The following SYTL2 variants were observed in gnomAD, a reference collection of about 807,000 sequenced individuals.
SYTL2 encodes synaptotagmin like 2.
SYTL2 carries 165 observed loss-of-function variants against 198.7 expected under a neutral mutation model. The ratio of observed to expected loss-of-function variants is 0.83; its 90% confidence interval spans 0.73 to 0.94. The LOEUF (loss-of-function observed/expected upper bound fraction) is 0.94. Ranked by LOEUF, SYTL2 falls within the 40% of genes least tolerant of loss-of-function variation. SYTL2 has a pLI of 0.00. For missense variants in SYTL2, 2,835 were observed against 2,582.8 expected (o/e 1.10, Z -2.12); for synonymous variants, 966 against 917.7 (o/e 1.05, Z -0.95).
chr11:85,727,495 T>A lies in SYTL2; in HGVS notation c.1863A>T (p.Lys621Asn), dbSNP rs1472079824. 2 of 1,535,820 alleles carry A rather than the reference T, an allele frequency of 1.3e-6. No individual in the cohort carries two copies. Among genetic ancestry groups the A allele is most frequent in the Non-Finnish European group, 1.7e-6 (2 of 1,146,830 alleles). ...IKSKFMNLSQKGTPKEGPGIL... is the reference protein window; with the variant it reads ...IKSKFMNLSQNGTPKEGPGIL... Reference sequence around the variant, plus strand: ...TACCTGGGCCTTCCTTTGGGGTGCCTTTTTGGGACAAATTCATGAATTTGG... The same window carrying A: ...TACCTGGGCCTTCCTTTGGGGTGCCATTTTGGGACAAATTCATGAATTTGG... Residue 621 changes from lysine (K) to asparagine (N), a missense_variant, in exon 8 of 20, where the codon AAA (lysine) becomes AAT (asparagine). Lys to Asn is a moderately conservative substitution (Grantham distance 94, BLOSUM62 0). This residue lies in a region of SYTL2 where 2,645 missense variants were observed against 2,381.7 expected (regional missense o/e 1.11). Transcript: ENST00000359152.
chr11:85,835,576 C>T, the SYTL2 span, among the ~76,000 whole-genome samples: 8 of 152,214 alleles, frequency 5.3e-5, no homozygotes, highest in South Asian at 1.7e-3. Flanking sequence ...CTGTCAAGGT[C>T]CTATTATTAT....
At chr11:85,766,452 A>G (rs1434095317) in intron 1 of SYTL2, among the ~76,000 whole-genome samples, 3 of 152,230 alleles carry the variant, frequency 2.0e-5, no homozygotes, top group East Asian at 1.9e-4. Flanking sequence ...CTTTGACAAC[A>G]TATCACGAAG....
chr11:85,834,333 C>T, the SYTL2 span, among the ~76,000 whole-genome samples: 2 of 151,958 alleles, frequency 1.3e-5, no homozygotes, highest in South Asian at 2.1e-4. Flanking sequence ...CTTCTATTTA[C>T]CTTGTTTCTT....
chr11:85,701,455 G>C (rs1223195719), intron 16 of SYTL2, among the ~76,000 whole-genome samples: 1 of 152,168 alleles, frequency 6.6e-6, no homozygotes, highest in Admixed American at 6.5e-5. Flanking sequence ...TTTTGAATTA[G>C]GGATGCTAAA....
Position 85,748,410 on chromosome 11 carries a change from T to C in SYTL2, c.115A>G (p.Lys39Glu). ...EEERVRHLPE[K>E]IKDDQQLKNM... ...TTCAGCTGCTGGTCATCCTTAATTT[T>C]TTCAGGCAAATGTCTACAAAAGGAA... Residue 39 changes from lysine (K) to glutamate (E), a missense_variant, in exon 3 of 20, where the codon AAA (lysine) becomes GAA (glutamate). Physicochemically the swap from Lys to Glu is moderately conservative, Grantham distance 56. Transcript: ENST00000359152. 1.2e-6 allele frequency: 2 copies of C among 1,613,942 alleles called. No homozygotes were observed. Among genetic ancestry groups the C allele is most frequent in the Non-Finnish European group, 1.7e-6 (2 of 1,179,886 alleles).
intron 2 of SYTL2, among the ~76,000 whole-genome samples, chr11:85,757,007 G>C (rs2153549644): frequency 6.6e-6 from 1 of 152,324 alleles, no homozygotes; most frequent in South Asian, 2.1e-4. Flanking sequence ...CTGGCCTAGT[G>C]CTTGTTTGAC....
chr11:85,741,084 T>C (rs2090753635), intron 4 of SYTL2, among the ~76,000 whole-genome samples: 1 of 151,348 alleles, frequency 6.6e-6, no homozygotes, highest in Admixed American at 6.6e-5. Context: ...TTTTTTTTTT[T>C]CTTAGCTTAA....
intron 2 of SYTL2, among the ~76,000 whole-genome samples, chr11:85,750,778 C>T (rs1447822151): frequency 1.5e-5 from 1 of 66,436 alleles, no homozygotes; most frequent in Non-Finnish European, 3.0e-5. Context: ...CCTCAGACCC[C>T]ATCACAATGA....
At chr11:85,766,995 G>C (rs2092255636) in intron 1 of SYTL2, among the ~76,000 whole-genome samples, 2 of 152,152 alleles carry the variant, frequency 1.3e-5, no homozygotes, top group African/African-American at 4.8e-5. Context: ...ATTGCTCAAG[G>C]CTTACTGAAC....
chr11:85,734,325 A>G lies in SYTL2; in HGVS notation c.1004T>C (p.Phe335Ser), dbSNP rs770653790. Residue 335 changes from phenylalanine to serine, a missense_variant, in exon 7 of 20, where the codon TTC (phenylalanine) becomes TCC (serine). Physicochemically the swap from Phe to Ser is radical, Grantham distance 155 (BLOSUM62 -2). This residue lies in a region of SYTL2 where 2,645 missense variants were observed against 2,381.7 expected (regional missense o/e 1.11). Transcript: ENST00000359152. Reference sequence around the variant, plus strand: ...TGGAAGCTCATCCTTCACTGCAGAGAATCTCACATGCTTTAATGGCTCCAG... The same window carrying G: ...TGGAAGCTCATCCTTCACTGCAGAGGATCTCACATGCTTTAATGGCTCCAG... The part of the protein sequence containing the change: ...NSLEPLKHVR[F>S]SAVKDELPQS... 3.1e-6 allele frequency: 5 copies of G among 1,614,232 alleles called. No individual in the cohort carries two copies. The highest frequency in any genetic ancestry group is 3.4e-6 in the Non-Finnish European group (4 of 1,180,022).
chr11:85,830,910 G>A, the SYTL2 span, among the ~76,000 whole-genome samples: 1 of 152,076 alleles, frequency 6.6e-6, no homozygotes, highest in South Asian at 2.1e-4. Flanking sequence ...CCAAGTTCTT[G>A]CATTAGGGTC....
At chr11:85,777,782 T>C (rs1161500349) in intron 1 of SYTL2, among the ~76,000 whole-genome samples, 4 of 147,906 alleles carry the variant, frequency 2.7e-5, no homozygotes, top group Admixed American at 2.7e-4. Context: ...AATCCTAAGG[T>C]TTCACTTACC....
rs769227144 is a variant in SYTL2, at chr11:85,718,891, A to G, written c.5429-48T>C. ...TGGTTAACATGGCTGACCCTTGGAG[A>G]GAAAAGAACAATGAGATTGTCCCTG... On this transcript the variant is annotated intron_variant, in intron 9 of 19. Coordinates refer to ENST00000359152, the MANE Select transcript of SYTL2 (RefSeq NM_206927.4). 13 of 1,603,528 alleles carry G rather than the reference A, an allele frequency of 8.1e-6. 1 individual carries two copies. The African/African-American group carries it at 1.7e-4, about 21-fold the overall frequency.
intron 2 of SYTL2, among the ~76,000 whole-genome samples, chr11:85,751,606 G>T (rs1444804433): frequency 6.6e-6 from 1 of 152,214 alleles, no homozygotes; most frequent in African/African-American, 2.4e-5. Flanking sequence ...GGCTGAAGAA[G>T]AGCACTCAAT....
intron 1 of SYTL2, among the ~76,000 whole-genome samples, chr11:85,808,116 G>C (rs2092983489): frequency 1.3e-5 from 2 of 152,148 alleles, no homozygotes; most frequent in South Asian, 4.2e-4. Context: ...ACCCAGGCTG[G>C]AGTACAGTGG....
intron 2 of SYTL2, 112 bp from the exon 3 acceptor site, chr11:85,748,535 A>G: frequency 8.5e-7 from 1 of 1,175,428 alleles, no homozygotes; most frequent in South Asian, 1.6e-5. Context: ...AAGCTTTAAT[A>G]TTTCAGATGA....
At chr11:85,850,407 C>CA in the SYTL2 span, among the ~76,000 whole-genome samples, 1 of 151,794 alleles carries the variant, frequency 6.6e-6, no homozygotes, top group Non-Finnish European at 1.5e-5. Context: ...TTTATGCAGC[C>CA]AAAAAACACA....
chr11:85,846,734 AT>A, the SYTL2 span, among the ~76,000 whole-genome samples: 4,579 of 131,094 alleles, frequency 0.035, 179 homozygotes, highest in African/African-American at 0.11. Flanking sequence ...GGTTGAAACT[AT>A]TTTTTTTTTT....
At chr11:85,810,707 G>A (rs2093020594) in intron 1 of SYTL2, among the ~76,000 whole-genome samples, 1 of 152,168 alleles carries the variant, frequency 6.6e-6, no homozygotes, top group Admixed American at 6.5e-5. Context: ...TCGCCTACCC[G>A]GGCATCCCAG....
Sources: allele counts gnomAD v4.1 joint callset (sites outside exome capture counted in the v4.1 genomes callset), GRCh38; gene constraint gnomAD v4.1.1; regional missense constraint gnomAD v4.1.1; transcripts MANE v1.5; gene names NCBI Gene and HGNC (gene_info 2026-07-23, HGNC 2026-07-21).